Variants in PARD3B observed in about 807,000 individuals in gnomAD.
PARD3B encodes the protein par-3 family cell polarity regulator beta, also known as partitioning defective 3 homolog B.
PARD3B carries 103 observed loss-of-function variants against 130.2 expected under a neutral mutation model. The observed-to-expected ratio is 0.79, with a 90% CI of 0.67 to 0.93. The LOEUF is 0.93. PARD3B is among the 40% of genes least tolerant of loss of function. The probability of loss-of-function intolerance (pLI) is 0.00; values close to 1 mark genes in which losing one functional copy is unlikely to be tolerated. For missense variants in PARD3B, 1,609 were observed against 1,499.2 expected (o/e 1.07, Z -1.21); for synonymous variants, 583 against 553.2 (o/e 1.05, Z -0.76).
Position 205,460,185 on chromosome 2 carries a change from A to G in PARD3B, c.3044+19513A>G, listed in dbSNP as rs1325729513. Among the ~76,000 whole-genome samples the G allele has an allele frequency of 1.3e-5, 2 of 152,184 alleles. No homozygotes were observed. Among genetic ancestry groups the G allele is most frequent in the Non-Finnish European group, 2.9e-5 (2 of 68,024 alleles). On this transcript the variant is annotated intron_variant, in intron 20 of 22. Transcript: ENST00000406610. The surrounding 1 kb of genome is among the most constrained non-coding windows in gnomAD (Gnocchi z 4.9). ...TAGAAAACATTTAAAATGTAAAGCA[A>G]TAGACTTCAGTAGTAATTTTCAGAT...
intron 16 of PARD3B, among the ~76,000 whole-genome samples, chr2:205,273,888 C>T (rs1433687027): frequency 6.6e-6 from 1 of 152,140 alleles, no homozygotes; most frequent in Non-Finnish European, 1.5e-5. Flanking sequence ...TGTTACAAGT[C>T]CACCAGGTTG....
intron 4 of PARD3B, among the ~76,000 whole-genome samples, chr2:205,073,596 T>C (rs888878963): frequency 6.6e-6 from 1 of 152,188 alleles, no homozygotes; most frequent in Non-Finnish European, 1.5e-5. Flanking sequence ...TAGTTTATCT[T>C]CCCCAGACTC....
At chr2:205,110,315 C>G (rs751773747) in intron 5 of PARD3B, among the ~76,000 whole-genome samples, 1 of 152,190 alleles carries the variant, frequency 6.6e-6, no homozygotes, top group Non-Finnish European at 1.5e-5. Flanking sequence ...CCAAATGAAG[C>G]CTTTCACTTC....
At chr2:205,394,475 T>A (rs1379724959) in intron 18 of PARD3B, among the ~76,000 whole-genome samples, 2 of 152,170 alleles carry the variant, frequency 1.3e-5, no homozygotes, top group Non-Finnish European at 2.9e-5. Flanking sequence ...CATCTAAGGC[T>A]AATCTCTCCA....
chr2:204,570,175 A>C (rs2031909366), intron 1 of PARD3B, among the ~76,000 whole-genome samples: 1 of 152,196 alleles, frequency 6.6e-6, no homozygotes, highest in South Asian at 2.1e-4. Context: ...TGTACAGTAA[A>C]GTATGAATTC....
At chr2:204,679,015 C>A (rs2036695610) in intron 1 of PARD3B, among the ~76,000 whole-genome samples, 1 of 152,122 alleles carries the variant, frequency 6.6e-6, no homozygotes, top group Non-Finnish European at 1.5e-5. Flanking sequence ...TTAATTATGC[C>A]TCTTTTTGAA....
At chr2:205,364,286 G>A (rs1411636756) in intron 18 of PARD3B, among the ~76,000 whole-genome samples, 1 of 152,176 alleles carries the variant, frequency 6.6e-6, no homozygotes, top group Non-Finnish European at 1.5e-5. Flanking sequence ...ACTTCCTAGA[G>A]AACCACTCAT....
chr2:204,791,854 C>T (rs2125477469), intron 2 of PARD3B, among the ~76,000 whole-genome samples: 1 of 152,278 alleles, frequency 6.6e-6, no homozygotes, highest in East Asian at 1.9e-4. Context: ...ACTTGATTTT[C>T]ACTATTTCTA....
intron 3 of PARD3B, among the ~76,000 whole-genome samples, chr2:204,984,130 A>G (rs527812335): frequency 1.3e-5 from 2 of 152,070 alleles, no homozygotes; most frequent in South Asian, 4.1e-4. Context: ...AAAATTATAT[A>G]TATATTTAAT....
rs1316579188 is a variant in PARD3B, at chr2:204,673,483, ACT to A, written c.121-12694_121-12693del. On this transcript the variant is annotated intron_variant, in intron 1 of 22. Transcript: ENST00000406610. The surrounding 1 kb of genome is among the most constrained non-coding windows in gnomAD (Gnocchi z 4.7). ...ACCTGACAAGCGAACTAGTTTTCCC[ACT>A]CTCATATAAGGGTTGCTTTTCTGAG... 6.6e-6 allele frequency among the ~76,000 whole-genome samples: 1 copy of A among 152,020 alleles called. No homozygotes were observed. The highest frequency in any genetic ancestry group is 6.6e-5 in the Admixed American group (1 of 15,256).
intron 14 of PARD3B, among the ~76,000 whole-genome samples, chr2:205,190,105 TAGAC>T (rs1240780771): frequency 3.3e-5 from 5 of 152,246 alleles, no homozygotes; most frequent in Admixed American, 2.6e-4. Flanking sequence ...TTCACTTTAT[TAGAC>T]AGATCCTAGC....
chr2:205,029,671 T>C (rs1697290041), intron 3 of PARD3B, among the ~76,000 whole-genome samples: 1 of 152,142 alleles, frequency 6.6e-6, no homozygotes, highest in Admixed American at 6.6e-5. Context: ...AGTATGTATC[T>C]TTAGAGCCCT....
In PARD3B at chr2:205,528,106, TG is replaced by T. The variant is rs2051416517; in HGVS notation, c.3181-25216del. 2.0e-5 allele frequency among the ~76,000 whole-genome samples: 3 copies of T among 152,174 alleles called. No individual in the cohort carries two copies. In the South Asian group the frequency reaches 6.2e-4, roughly 32 times the overall value. ...GAAGCTAGGTTAGACAGCATCCCAT[TG>T]GTCTTCCTGGTAAGAGGTTGTGCTC... is the stretch of plus-strand genomic sequence containing the variant. On this transcript the variant is annotated intron_variant, in intron 21 of 22. Transcript: ENST00000406610.
intron 3 of PARD3B, among the ~76,000 whole-genome samples, chr2:205,018,974 C>A (rs1696381216): frequency 6.6e-6 from 1 of 151,948 alleles, no homozygotes; most frequent in Non-Finnish European, 1.5e-5. Context: ...GACTTAACAG[C>A]TTATTGATGT....
intron 20 of PARD3B, among the ~76,000 whole-genome samples, chr2:205,452,713 C>T (rs2048145678): frequency 6.6e-6 from 1 of 152,128 alleles, no homozygotes; most frequent in African/African-American, 2.4e-5. Context: ...GTCTGAGAGC[C>T]CTACCCTTGG....
intron 2 of PARD3B, among the ~76,000 whole-genome samples, chr2:204,896,089 A>G (rs1331773776): frequency 4.6e-5 from 7 of 152,140 alleles, no homozygotes; most frequent in African/African-American, 1.7e-4. Context: ...CTTAAACCAA[A>G]GTTTTCTGCT....
chr2:205,110,220 G>A (rs1036920979), intron 5 of PARD3B, among the ~76,000 whole-genome samples: 1 of 152,148 alleles, frequency 6.6e-6, no homozygotes, highest in Non-Finnish European at 1.5e-5. Flanking sequence ...CATTTGCCTT[G>A]TGTAAAGAAA....
intron 4 of PARD3B, among the ~76,000 whole-genome samples, chr2:205,057,024 A>C (rs1195600057): frequency 1.3e-5 from 2 of 151,692 alleles, no homozygotes; most frequent in Admixed American, 6.6e-5. Flanking sequence ...AGCACCTGTC[A>C]AAAGTTTCTA....
intron 1 of PARD3B, among the ~76,000 whole-genome samples, chr2:204,659,688 A>G (rs759818161): frequency 1.2e-4 from 18 of 152,180 alleles, no homozygotes; most frequent in Non-Finnish European, 1.5e-4. Flanking sequence ...ACACTTCTGT[A>G]TGTCAGGATG....
Sources: gnomAD v4.1 joint callset for allele counts (sites outside exome capture counted in the v4.1 genomes callset) on GRCh38, gnomAD v4.1.1 for gene constraint, Gnocchi (gnomAD v3.1) non-coding constraint, MANE v1.5 for transcripts, NCBI Gene and HGNC (gene_info 2026-07-23, HGNC 2026-07-21) for gene names.